AFF3: variants seen among roughly 807,000 people sequenced by gnomAD.
AFF3 encodes AF4/FMR2 family member 3.
Under a neutral mutation model 129.7 loss-of-function variants are expected in AFF3, and 32 were observed. The ratio of observed to expected loss-of-function variants is 0.25; its 90% CI spans 0.19 to 0.33. AFF3 has a LOEUF of 0.33. AFF3 is among the 10% of genes least tolerant of loss of function. The pLI, the probability that AFF3 is intolerant of heterozygous loss-of-function variation, is 1.00. For synonymous variants in AFF3, 644 were observed against 635.4 expected, an observed-to-expected ratio of 1.01 and a Z score of -0.20; for missense variants, 1,373 against 1,592.0, an observed-to-expected ratio of 0.86 and a Z score of 2.34.
At chr2:99,635,199 CTA>C (rs1683536850) in intron 13 of AFF3, among the ~76,000 whole-genome samples, 3 of 151,080 alleles carry the variant, frequency 2.0e-5, no homozygotes. Context: ...ATACACATCT[CTA>C]TGTATATGAT....
chr2:100,088,080 T>C (rs1689588895), intron 4 of AFF3, among the ~76,000 whole-genome samples: 1 of 145,838 alleles, frequency 6.9e-6, no homozygotes, highest in Non-Finnish European at 1.5e-5. Flanking sequence ...CAACAGTGAA[T>C]GACAAAGCTT....
At chr2:99,662,136 C>T (rs1288793617) in intron 12 of AFF3, among the ~76,000 whole-genome samples, 1 of 149,008 alleles carries the variant, frequency 6.7e-6, no homozygotes, top group East Asian at 2.0e-4. Flanking sequence ...AAGACTCTGT[C>T]TCAAAAAAAA....
intron 1 of AFF3, among the ~76,000 whole-genome samples, chr2:100,139,315 C>A (rs1304777139): frequency 1.3e-5 from 2 of 152,158 alleles, no homozygotes; most frequent in African/African-American, 2.4e-5. Context: ...TTTAACATGT[C>A]CCCTGGTCTG....
At chr2:100,092,379 C>T (rs1337918753) in intron 4 of AFF3, among the ~76,000 whole-genome samples, 1 of 152,142 alleles carries the variant, frequency 6.6e-6, no homozygotes, top group Non-Finnish European at 1.5e-5. Flanking sequence ...CTAGTCAGCC[C>T]TCACTCCTCA....
intron 1 of AFF3, among the ~76,000 whole-genome samples, chr2:100,140,661 C>T (rs1692825732): frequency 6.6e-6 from 1 of 152,182 alleles, no homozygotes; most frequent in South Asian, 2.1e-4. Context: ...TATATACTAT[C>T]ATTTGGATGT....
At chr2:99,623,637 T>C (rs1298500779) in intron 13 of AFF3, among the ~76,000 whole-genome samples, 1 of 152,168 alleles carries the variant, frequency 6.6e-6, no homozygotes, top group Non-Finnish European at 1.5e-5. Flanking sequence ...CTGGGACACA[T>C]GAGGCCTCTG....
At chr2:100,021,942 C>T (rs996006870) in intron 4 of AFF3, among the ~76,000 whole-genome samples, 1 of 152,150 alleles carries the variant, frequency 6.6e-6, no homozygotes, top group African/African-American at 2.4e-5. Flanking sequence ...ACCAGCTACA[C>T]AGGACAAAAA....
intron 7 of AFF3, among the ~76,000 whole-genome samples, chr2:99,928,397 G>A (rs927939191): frequency 2.0e-5 from 3 of 152,140 alleles, no homozygotes; most frequent in Admixed American, 6.5e-5. Flanking sequence ...GCTTGAACTT[G>A]TTCCTTGAAT....
intron 4 of AFF3, among the ~76,000 whole-genome samples, chr2:100,063,497 T>A (rs1393592188): frequency 6.6e-6 from 1 of 151,932 alleles, no homozygotes; most frequent in Non-Finnish European, 1.5e-5. Flanking sequence ...AATAAAAAAA[T>A]TTGCTAGCAA....
At chr2:99,870,147 C>T (rs901215458) in intron 7 of AFF3, among the ~76,000 whole-genome samples, 1 of 152,234 alleles carries the variant, frequency 6.6e-6, no homozygotes, top group African/African-American at 2.4e-5. Flanking sequence ...CCTCCAACCT[C>T]TGCCCCAGCC....
At chr2:99,757,035 G>T (rs1682162352) in intron 8 of AFF3, among the ~76,000 whole-genome samples, 1 of 152,086 alleles carries the variant, frequency 6.6e-6, no homozygotes, top group Admixed American at 6.6e-5. Flanking sequence ...TGGCTCCCAC[G>T]CTGTCCTCCT....
intron 11 of AFF3, among the ~76,000 whole-genome samples, chr2:99,679,129 G>A (rs1032202649): frequency 6.6e-6 from 1 of 152,136 alleles, no homozygotes; most frequent in African/African-American, 2.4e-5. Context: ...TGCTCTACTT[G>A]ACCTAAGTGT....
chr2:99,926,230 G>A (rs1297242255), intron 7 of AFF3, among the ~76,000 whole-genome samples: 2 of 152,230 alleles, frequency 1.3e-5, no homozygotes, highest in African/African-American at 4.8e-5. Flanking sequence ...TAGTGAGACT[G>A]CAAGTGCAAA....
intron 7 of AFF3, among the ~76,000 whole-genome samples, chr2:99,992,533 G>A (rs537315148): frequency 2.0e-5 from 3 of 152,074 alleles, no homozygotes; most frequent in Admixed American, 6.5e-5. Flanking sequence ...CACAATTATC[G>A]AACCAGAATA....
At chr2:100,103,830 G>A (rs950977436) in intron 4 of AFF3, among the ~76,000 whole-genome samples, 9 of 152,028 alleles carry the variant, frequency 5.9e-5, no homozygotes, top group African/African-American at 1.9e-4. Context: ...TAAGGCCTCT[G>A]GAATACCGGC....
chr2:99,815,076 T>C (rs538645222), intron 8 of AFF3, among the ~76,000 whole-genome samples: 28 of 152,070 alleles, frequency 1.8e-4, no homozygotes, highest in African/African-American at 5.3e-4. Flanking sequence ...TTTTTTATTA[T>C]ATAACAATGT....
intron 7 of AFF3, among the ~76,000 whole-genome samples, chr2:99,858,851 C>A (rs1350673200): frequency 2.0e-5 from 3 of 152,138 alleles, no homozygotes; most frequent in Non-Finnish European, 4.4e-5. Context: ...ACCCCCATGA[C>A]ACAAGTTTGC....
At chr2:100,044,960 T>C (rs1478954659) in intron 4 of AFF3, among the ~76,000 whole-genome samples, 3 of 151,844 alleles carry the variant, frequency 2.0e-5, no homozygotes, top group Non-Finnish European at 4.4e-5. Context: ...GGGAACAAGC[T>C]AGGGGGATGT....
intron 7 of AFF3, among the ~76,000 whole-genome samples, chr2:99,871,013 C>T (rs970017801): frequency 1.3e-5 from 2 of 152,124 alleles, no homozygotes; most frequent in Non-Finnish European, 2.9e-5. Flanking sequence ...ATCCAAAATG[C>T]TCCAAAATCT....
Sources: allele counts gnomAD v4.1 joint callset (sites outside exome capture counted in the v4.1 genomes callset), GRCh38; gene constraint gnomAD v4.1.1; transcripts MANE v1.5; gene names NCBI Gene and HGNC (gene_info 2026-07-23, HGNC 2026-07-21).